Variants in LARS2 observed in about 807,000 individuals in gnomAD.
LARS2 encodes leucine--tRNA ligase, mitochondrial.
Under a neutral mutation model 116.6 loss-of-function variants are expected in LARS2, and 81 were observed. The observed-to-expected ratio is 0.69, with a 90% CI of 0.58 to 0.84. LARS2 has a LOEUF of 0.84. LARS2 is among the 40% of genes least tolerant of loss of function. The pLI, the probability that LARS2 is intolerant of heterozygous loss-of-function variation, is 0.00. For synonymous variants in LARS2, 396 were observed against 407.2 expected (o/e 0.97, Z 0.33); for missense variants, 968 against 1,114.5 (o/e 0.87, Z 1.87).
intron 20 of LARS2, among the ~76,000 whole-genome samples, chr3:45,527,483 G>C (rs935929886): frequency 6.6e-6 from 1 of 152,112 alleles, no homozygotes; most frequent in Non-Finnish European, 1.5e-5. Context: ...AATTAGCCTG[G>C]CATGGTGGCG....
At position 45,420,241 on chromosome 3, in the gene LARS2, C is replaced by A. The variant is rs138709853; in HGVS notation, c.516+512C>A. On this transcript the variant is annotated intron_variant, in intron 6 of 21. Transcript: ENST00000645846. ...GAATCAGTGGAGAATTCCAGACCCA[C>A]GAGGAGTTCATGGAAAGCCACCTGG... 4.6e-5 allele frequency among the ~76,000 whole-genome samples: 7 copies of A among 152,222 alleles called. No homozygotes were observed. The South Asian group carries it at 8.3e-4, about 18-fold the overall frequency.
chr3:45,486,911 C>T (rs969233366), intron 11 of LARS2, among the ~76,000 whole-genome samples: 1 of 151,948 alleles, frequency 6.6e-6, no homozygotes, highest in African/African-American at 2.4e-5. Flanking sequence ...GGAAAAAAAT[C>T]GGATTTTTTT....
At position 45,400,814 on chromosome 3, in the gene LARS2, T is replaced by A. The variant is rs182754274; in HGVS notation, c.363+441T>A. On this transcript the variant is annotated intron_variant, in intron 4 of 21. Transcript: ENST00000645846. The stretch of plus-strand genomic sequence containing the variant: ...TTTTCCATATTCTTTGAGCATGTAT[T>A]TCTTTTCTTTTTTTTTTGAGGCGGA... Among the ~76,000 whole-genome samples the A allele has an allele frequency of 1.9e-3, 292 of 152,274 alleles. 1 individual carries two copies. The highest frequency in any genetic ancestry group is 6.8e-3 in the African/African-American group (281 of 41,548).
chr3:45,450,700 G>A (rs998977243), intron 7 of LARS2, among the ~76,000 whole-genome samples: 3 of 152,096 alleles, frequency 2.0e-5, no homozygotes, highest in Non-Finnish European at 2.9e-5. Context: ...ATATCTCTTC[G>A]GTAATCCTGA....
chr3:45,409,975 C>T (rs1559459079), intron 4 of LARS2, among the ~76,000 whole-genome samples: 3 of 152,032 alleles, frequency 2.0e-5, no homozygotes, highest in African/African-American at 7.3e-5. Context: ...TATCTGAAAA[C>T]AAAAATAGAA....
intron 6 of LARS2, among the ~76,000 whole-genome samples, chr3:45,441,356 C>T (rs1698907460): frequency 6.6e-6 from 1 of 152,114 alleles, no homozygotes; most frequent in African/African-American, 2.4e-5. Flanking sequence ...AAGGGGTGTA[C>T]TTGTTGATTT....
intron 4 of LARS2, among the ~76,000 whole-genome samples, chr3:45,416,107 A>C (rs1698416808): frequency 6.6e-6 from 1 of 151,384 alleles, no homozygotes; most frequent in Non-Finnish European, 1.5e-5. Context: ...GGTAGGGAAG[A>C]AAGGGATGAA....
chr3:45,493,732 T>C (rs747653376), intron 13 of LARS2, among the ~76,000 whole-genome samples: 1 of 152,098 alleles, frequency 6.6e-6, no homozygotes, highest in Non-Finnish European at 1.5e-5. Flanking sequence ...CACCATTATC[T>C]ATCACTTCTA....
In LARS2 at chr3:45,402,799, A is replaced by G. The variant is rs111684300; in HGVS notation, c.363+2426A>G. Among the ~76,000 whole-genome samples, 497 of 152,156 alleles carry G rather than the reference A, an allele frequency of 3.3e-3. 6 individuals carry two copies. In the South Asian group the frequency reaches 0.038, roughly 11 times the overall value. On this transcript the variant is annotated intron_variant, in intron 4 of 21. Transcript: ENST00000645846. The stretch of plus-strand genomic sequence containing the variant: ...ATAACTGTTTTTCATTATTTCTGCT[A>G]TGTTTATTAGAAAGAGGTGGGACAG...
At chr3:45,448,035 G>A (rs1032993569) in intron 7 of LARS2, among the ~76,000 whole-genome samples, 1 of 152,112 alleles carries the variant, frequency 6.6e-6, no homozygotes, top group African/African-American at 2.4e-5. Context: ...ATTGCTTGAT[G>A]CCAGGAGTTC....
chr3:45,543,474 T>TTA (rs1700828943), intron 21 of LARS2, among the ~76,000 whole-genome samples: 4 of 150,200 alleles, frequency 2.7e-5, no homozygotes, highest in African/African-American at 9.8e-5. Context: ...TTTTTTTATT[T>TTA]TTTTTTTTGG....
chr3:45,428,906 A>G (rs1698644852), intron 6 of LARS2, among the ~76,000 whole-genome samples: 1 of 152,144 alleles, frequency 6.6e-6, no homozygotes, highest in African/African-American at 2.4e-5. Flanking sequence ...TTGAGTATGT[A>G]TTGCAGACAT....
intron 7 of LARS2, among the ~76,000 whole-genome samples, chr3:45,451,787 C>G (rs2093901008): frequency 6.6e-6 from 1 of 152,034 alleles, no homozygotes; most frequent in South Asian, 2.1e-4. Context: ...CTGTAGATCA[C>G]TTTGTGTAGT....
At position 45,485,636 on chromosome 3, in the gene LARS2, G is replaced by A. The variant is rs565244582; in HGVS notation, c.1019-56G>A. The A allele has an allele frequency of 7.7e-6, 7 of 913,998 alleles. No individual in the cohort carries two copies. The African/African-American group carries it at 9.7e-5, about 13-fold the overall frequency. 56.6% of individuals were successfully genotyped at this position (913,998 alleles called of 1,614,324 possible). A position where few individuals can be genotyped will look rare whatever the true frequency, so the allele number is the denominator to read the frequency against. ...TCTCACTTGTTTCCTCTGAGATTCA[G>A]ATGGTGTTGGTGTCTCAGTTGAGTG... On this transcript the variant is annotated intron_variant, in intron 10 of 21. Coordinates refer to ENST00000645846, the MANE Select transcript of LARS2 (RefSeq NM_015340.4).
intron 7 of LARS2, among the ~76,000 whole-genome samples, chr3:45,447,691 T>C (rs898915992): frequency 1.3e-5 from 2 of 152,148 alleles, no homozygotes; most frequent in Non-Finnish European, 2.9e-5. Context: ...ACCCAGTCTG[T>C]GGTATTCTAT....
intron 8 of LARS2, among the ~76,000 whole-genome samples, chr3:45,472,094 A>G (rs1365205876): frequency 6.6e-6 from 1 of 152,226 alleles, no homozygotes; most frequent in Non-Finnish European, 1.5e-5. Context: ...CAGGTTACTC[A>G]CAGTTGAATG....
rs775903529 is a variant in LARS2, at chr3:45,517,972, C to A, written c.2114C>A (p.Ala705Asp). The A allele has an allele frequency of 3.7e-6, 6 of 1,613,914 alleles. No individual in the cohort carries two copies. The South Asian group carries it at 6.6e-5, about 18-fold the overall frequency. Residue 705 changes from alanine (A) to aspartate (D), a missense_variant, in exon 18 of 22, where the codon GCC becomes GAC. Coordinates refer to ENST00000645846, the MANE Select transcript of LARS2 (RefSeq NM_015340.4). ...LWTLTTRFIEARASGKSPQPQ... is the reference protein window; with the variant it reads ...LWTLTTRFIEDRASGKSPQPQ... Reference sequence around the variant, plus strand: ...ACCTTGACAACTCGGTTTATTGAGGCCAGGGCTTCTGGGAAGTCTCCCCAG... The same window carrying A: ...ACCTTGACAACTCGGTTTATTGAGGACAGGGCTTCTGGGAAGTCTCCCCAG...
At chr3:45,416,551 T>G (rs1340750994) in intron 4 of LARS2, among the ~76,000 whole-genome samples, 1 of 152,222 alleles carries the variant, frequency 6.6e-6, no homozygotes. Context: ...GTGGTCATTA[T>G]GCATGTGTTC....
chr3:45,464,010 G>C (rs906850157), intron 8 of LARS2, among the ~76,000 whole-genome samples: 8 of 152,172 alleles, frequency 5.3e-5, no homozygotes, highest in African/African-American at 1.9e-4. Context: ...ATGAACTTCT[G>C]CTGGTGAGAA....
Sources: allele counts gnomAD v4.1 joint callset (sites outside exome capture counted in the v4.1 genomes callset), GRCh38; gene constraint gnomAD v4.1.1; transcripts MANE v1.5; gene names NCBI Gene and HGNC (gene_info 2026-07-23, HGNC 2026-07-21).